Variants in HMCN1 observed in about 807,000 individuals in gnomAD.
HMCN1 encodes hemicentin 1.
HMCN1 carries 321 observed loss-of-function variants against 625.9 expected under a neutral mutation model. The observed-to-expected ratio is 0.51, with a 90% CI of 0.47 to 0.56. The LOEUF is 0.56. Among genes scored for constraint, HMCN1 ranks in the 20% least tolerant of loss-of-function variants. The pLI is 0.00. For synonymous variants in HMCN1, 2,425 were observed against 2,417.6 expected, an observed-to-expected ratio of 1.00 and a Z score of -0.09; for missense variants, 6,588 against 6,887.3, an observed-to-expected ratio of 0.96 and a Z score of 1.54.
chr1:186,002,880 A>T (rs746349025), intron 28 of HMCN1, among the ~76,000 whole-genome samples: 1 of 152,086 alleles, frequency 6.6e-6, no homozygotes, highest in Non-Finnish European at 1.5e-5. Flanking sequence ...CCTTCTCCCC[A>T]ACATTTCAAA....
At chr1:185,942,876 A>AT (rs1427728588) in intron 11 of HMCN1, among the ~76,000 whole-genome samples, 2 of 151,976 alleles carry the variant, frequency 1.3e-5, no homozygotes, top group Non-Finnish European at 2.9e-5. Context: ...AGGTTCAATA[A>AT]TTTGCTAGAA....
intron 28 of HMCN1, among the ~76,000 whole-genome samples, chr1:186,003,387 A>G (rs1474981696): frequency 6.6e-6 from 1 of 152,158 alleles, no homozygotes; most frequent in African/African-American, 2.4e-5. Flanking sequence ...TCCAAAATGT[A>G]TAGCAGTAGC....
At chr1:185,853,615 C>T (rs1170830144) in intron 2 of HMCN1, among the ~76,000 whole-genome samples, 3 of 152,010 alleles carry the variant, frequency 2.0e-5, no homozygotes, top group East Asian at 1.9e-4. Flanking sequence ...ATAGAGACTG[C>T]GACAAGACAG....
chr1:186,007,151 A>G lies in HMCN1; in HGVS notation c.4499A>G (p.Asn1500Ser), dbSNP rs772105060. The change falls in exon 30 of 107, where the codon AAT becomes AGT. Residue 1500 changes from asparagine to serine, a missense_variant. By Grantham distance (46) the Asn-to-Ser change is conservative. This residue lies in a region of HMCN1 where 4,628 missense variants were observed against 4,853.1 expected (regional missense o/e 0.95). Coordinates refer to ENST00000271588, the MANE Select transcript of HMCN1 (RefSeq NM_031935.3). ...DGKPLFLGDP[N>S]VELLDRGQVL... is the part of the protein sequence containing the mutation. ...AGGCCTTTATTTTTGGGCGATCCTA[A>G]TGTTGAACTTCTAGACAGAGGACAA... is the stretch of plus-strand genomic sequence containing the variant. 4.0e-5 allele frequency: 64 copies of G among 1,612,950 alleles called. No homozygotes were observed. The highest frequency in any genetic ancestry group is 3.4e-6 in the Non-Finnish European group (4 of 1,179,174).
At chr1:185,763,702 T>C (rs1361338628) in intron 1 of HMCN1, among the ~76,000 whole-genome samples, 2 of 152,272 alleles carry the variant, frequency 1.3e-5, no homozygotes, top group African/African-American at 4.8e-5. Flanking sequence ...CATTTAACAG[T>C]CGCAATTTTG....
At chr1:186,077,034 A>T (rs1235281498) in intron 54 of HMCN1, among the ~76,000 whole-genome samples, 1 of 152,144 alleles carries the variant, frequency 6.6e-6, no homozygotes, top group Non-Finnish European at 1.5e-5. Context: ...AGTTTCAAAT[A>T]TTTAAATTGT....
intron 30 of HMCN1, among the ~76,000 whole-genome samples, chr1:186,014,140 G>C (rs1442921681): frequency 6.6e-6 from 1 of 152,004 alleles, no homozygotes; most frequent in African/African-American, 2.4e-5. Context: ...TAGCATGTAC[G>C]TTTGGTAGCA....
chr1:186,127,079 T>A (rs1473051572), intron 82 of HMCN1, among the ~76,000 whole-genome samples: 2 of 151,730 alleles, frequency 1.3e-5, no homozygotes, highest in East Asian at 1.9e-4. Context: ...GGAAAAAAAA[T>A]AAGAATGACT....
At chr1:185,901,495 C>G (rs1318805699) in intron 4 of HMCN1, among the ~76,000 whole-genome samples, 1 of 151,508 alleles carries the variant, frequency 6.6e-6, no homozygotes, top group East Asian at 1.9e-4. Flanking sequence ...TTTATACTTA[C>G]TAGAAATCTG....
intron 1 of HMCN1, among the ~76,000 whole-genome samples, chr1:185,758,973 ACT>A (rs1655312116): frequency 6.6e-6 from 1 of 152,042 alleles, no homozygotes; most frequent in Non-Finnish European, 1.5e-5. Context: ...TATCAGTCTA[ACT>A]CTCTAGTGTT....
intron 41 of HMCN1, among the ~76,000 whole-genome samples, chr1:186,048,392 A>G (rs1656720103): frequency 6.6e-6 from 1 of 152,150 alleles, no homozygotes; most frequent in Non-Finnish European, 1.5e-5. Flanking sequence ...CTGTTATTTT[A>G]CTGGACAGTT....
rs747465155 is a variant in HMCN1 at position 186,057,267 on chromosome 1, C to A, written c.7178C>A (p.Pro2393His). 8 of 1,611,476 alleles carry A rather than the reference C, an allele frequency of 5.0e-6. No individual in the cohort carries two copies. Among genetic ancestry groups the A allele is most frequent in the Non-Finnish European group, 6.8e-6 (8 of 1,178,286 alleles). Residue 2393 changes from proline to histidine, a missense_variant, in exon 46 of 107, where the codon CCT becomes CAT. Pro to His is a moderately conservative substitution (Grantham distance 77, BLOSUM62 -2). Coordinates refer to ENST00000271588, the MANE Select transcript of HMCN1 (RefSeq NM_031935.3). ...AGCATCATAGGAAACCACAGGTCAC[C>A]TGAAAATATTAGTGTGGTAGAAAAG... ...PPSIIGNHRS[P>H]ENISVVEKNS...
chr1:185,995,115 T>C (rs769548212), intron 24 of HMCN1, 28 bp downstream of exon 24: 1 of 1,606,716 alleles, frequency 6.2e-7, no homozygotes. Flanking sequence ...AAAATATATG[T>C]ATGTAGGGTG....
chr1:186,172,092 C>G lies in HMCN1; in HGVS notation c.15775C>G (p.Pro5259Ala). ...RGGYKCIDLC[P>A]NGMTKAENGT... ...TGGCTATAAGTGCATTGATCTTTGTCCAAATGGAATGACCAAGGCAGAAAA... is the reference window on the plus strand; with the variant it reads ...TGGCTATAAGTGCATTGATCTTTGTGCAAATGGAATGACCAAGGCAGAAAA... Residue 5259 changes from proline to alanine, a missense_variant, in exon 102 of 107, where the codon CCA (proline) becomes GCA (alanine). By Grantham distance (27) the Pro-to-Ala change is conservative. Around this residue, in one of 3 missense-constraint regions of HMCN1, gnomAD observed 1,954 missense variants for 2,013.1 expected, o/e 0.97. Transcript: ENST00000271588. 1 of 1,613,790 alleles carries G rather than the reference C, an allele frequency of 6.2e-7. No homozygotes were observed. The highest frequency in any genetic ancestry group is 8.5e-7 in the Non-Finnish European group (1 of 1,179,780).
intron 2 of HMCN1, among the ~76,000 whole-genome samples, chr1:185,847,757 A>C (rs1208203782): frequency 1.3e-5 from 2 of 152,102 alleles, no homozygotes; most frequent in Non-Finnish European, 2.9e-5. Context: ...GTTTGAGACC[A>C]GCCTGGGCGC....
intron 10 of HMCN1, among the ~76,000 whole-genome samples, chr1:185,929,081 G>A (rs532790442): frequency 1.3e-5 from 2 of 152,106 alleles, no homozygotes; most frequent in East Asian, 1.9e-4. Flanking sequence ...TGATCATATA[G>A]CATTTTCCCG....
At position 186,178,719 on chromosome 1, in the gene HMCN1, G is replaced by T; in HGVS notation, c.16247G>T (p.Arg5416Met). Residue 5416 changes from arginine (R) to methionine (M), a missense_variant, in exon 104 of 107, where the codon AGG becomes ATG. Coordinates refer to ENST00000271588, the MANE Select transcript of HMCN1 (RefSeq NM_031935.3). Reference sequence around the variant, plus strand: ...CTCTCCAGGACTAGAAGGACTATTAGGAAAACTTGCCCTGAAGGCTCTGAG... The same window carrying T: ...CTCTCCAGGACTAGAAGGACTATTATGAAAACTTGCCCTGAAGGCTCTGAG... The part of the protein sequence containing the change: ...TSLSRTRRTI[R>M]KTCPEGSEAS... 6.2e-7 allele frequency: 1 copy of T among 1,614,102 alleles called. No individual in the cohort carries two copies. Among genetic ancestry groups the T allele is most frequent in the Non-Finnish European group, 8.5e-7 (1 of 1,179,962 alleles).
At chr1:186,037,595 C>T (rs1458439521) in intron 36 of HMCN1, among the ~76,000 whole-genome samples, 2 of 152,056 alleles carry the variant, frequency 1.3e-5, no homozygotes, top group Non-Finnish European at 2.9e-5. Flanking sequence ...ATTTAGTAGA[C>T]TAATTACTTC....
At chr1:186,059,695 G>A (rs1385694955) in intron 46 of HMCN1, among the ~76,000 whole-genome samples, 1 of 151,980 alleles carries the variant, frequency 6.6e-6, no homozygotes, top group Admixed American at 6.6e-5. Context: ...TTTAAGCATA[G>A]CTTTTCTAAA....
Sources: gnomAD v4.1 joint callset for allele counts (sites outside exome capture counted in the v4.1 genomes callset) on GRCh38, gnomAD v4.1.1 for gene constraint, gnomAD v4.1.1 regional missense constraint, MANE v1.5 for transcripts, NCBI Gene and HGNC (gene_info 2026-07-23, HGNC 2026-07-21) for gene names.